Variants in DNAH11 observed in about 807,000 individuals in gnomAD.
DNAH11 encodes axonemal beta dynein heavy chain 11.
DNAH11 carries 442 observed loss-of-function variants against 526.0 expected under a neutral mutation model. The observed-to-expected ratio is 0.84, with a 90% CI of 0.78 to 0.91. The LOEUF is 0.91. Among genes scored for constraint, DNAH11 ranks in the 40% least tolerant of loss-of-function variants. The probability of loss-of-function intolerance (pLI) is 0.00; values close to 1 mark genes in which losing one functional copy is unlikely to be tolerated. For missense variants in DNAH11, 6,989 were observed against 5,448.7 expected (o/e 1.28, Z -8.90); for synonymous variants, 2,461 against 1,935.9 (o/e 1.27, Z -7.12).
chr7:21,748,766 C>T (rs779364683), intron 52 of DNAH11, 24 bp downstream of exon 52: 1 of 1,595,074 alleles, frequency 6.3e-7, no homozygotes, highest in East Asian at 2.3e-5. Flanking sequence ...ACAGGCAGTT[C>T]TTCTGACCCT....
intron 68 of DNAH11, among the ~76,000 whole-genome samples, chr7:21,860,921 C>A (rs1335390069): frequency 1.3e-5 from 2 of 152,108 alleles, no homozygotes; most frequent in Non-Finnish European, 2.9e-5. Flanking sequence ...CCTCATAAAA[C>A]CATCAGATCT....
At chr7:21,868,210 C>T (rs1191665197) in intron 72 of DNAH11, among the ~76,000 whole-genome samples, 1 of 151,520 alleles carries the variant, frequency 6.6e-6, no homozygotes, top group Non-Finnish European at 1.5e-5. Flanking sequence ...ATGTGGCTGG[C>T]ATAATGCAAG....
Position 21,615,207 on chromosome 7 carries a change from ATGAAACAG to A in DNAH11, c.3949_3956del (p.Lys1317SerfsTer22). The A allele has an allele frequency of 1.2e-6, 2 of 1,613,542 alleles. No homozygotes were observed. Among genetic ancestry groups the A allele is most frequent in the Non-Finnish European group, 1.7e-6 (2 of 1,179,624 alleles). On this transcript the variant is annotated frameshift_variant, in exon 21 of 82. Transcript: ENST00000409508. LOFTEE classifies it high-confidence loss of function. ...AGTGGCTCTTCCAGAGTACAAACAA[ATGAAACAG>A]TGTCGCAAAGAAATAAAATTGCTCA...
At chr7:21,754,762 G>C (rs1202042283) in intron 54 of DNAH11, among the ~76,000 whole-genome samples, 3 of 152,150 alleles carry the variant, frequency 2.0e-5, no homozygotes, top group Non-Finnish European at 4.4e-5. Flanking sequence ...GATCCACCCT[G>C]TGGAAGGCTA....
At chr7:21,863,058 C>T (rs978579454) in intron 69 of DNAH11, among the ~76,000 whole-genome samples, 32 of 101,414 alleles carry the variant, frequency 3.2e-4, no homozygotes, top group African/African-American at 3.4e-4. Flanking sequence ...AGCGAGACTC[C>T]GTCTCAAAAA....
At chr7:21,651,663 T>A (rs1781777160) in intron 28 of DNAH11, among the ~76,000 whole-genome samples, 1 of 152,238 alleles carries the variant, frequency 6.6e-6, no homozygotes, top group African/African-American at 2.4e-5. Context: ...TTCTTTTATT[T>A]CATAAGAGGT....
At chr7:21,559,330 C>A (rs1783350500) in intron 3 of DNAH11, among the ~76,000 whole-genome samples, 1 of 152,092 alleles carries the variant, frequency 6.6e-6, no homozygotes, top group Non-Finnish European at 1.5e-5. Flanking sequence ...ATACAAAAAG[C>A]AAACTGTAGT....
intron 56 of DNAH11, 83 bp from the exon 57 acceptor site, chr7:21,778,875 T>G (rs1169729790): frequency 1.2e-5 from 18 of 1,508,460 alleles, no homozygotes; most frequent in Non-Finnish European, 1.2e-5. Context: ...TAGAGATCCC[T>G]GAATTCATTC....
In DNAH11 at chr7:21,773,754, T is replaced by G; in HGVS notation, c.9103-12T>G. On this transcript the variant is annotated splice_polypyrimidine_tract_variant and intron_variant, in intron 55 of 81. Coordinates refer to ENST00000409508, the MANE Select transcript of DNAH11 (RefSeq NM_001277115.2). ...GAGGATTTCACATGAACTGTAATGT[T>G]TGTGTTTTCAGCCAGTGCACAAAGA... 6 of 1,495,706 alleles carry G rather than the reference T, an allele frequency of 4.0e-6. No homozygotes were observed. Among genetic ancestry groups the G allele is most frequent in the Non-Finnish European group, 5.4e-6 (6 of 1,113,748 alleles). 92.7% of individuals were successfully genotyped at this position (1,495,706 alleles called of 1,614,324 possible).
At position 21,592,216 on chromosome 7, in the gene DNAH11, A is replaced by G. The variant is rs571581517; in HGVS notation, c.2667+639A>G. On this transcript the variant is annotated intron_variant, in intron 14 of 81. Transcript: ENST00000409508. Reference sequence around the variant, plus strand: ...AGAGAAAAGAACAAATAGATATGTCAGTTGTAATAGGAGCAATGATGAAAA... The same window carrying G: ...AGAGAAAAGAACAAATAGATATGTCGGTTGTAATAGGAGCAATGATGAAAA... Among the ~76,000 whole-genome samples, 8 of 152,326 alleles carry G rather than the reference A, an allele frequency of 5.3e-5. No homozygotes were observed. In the South Asian group the frequency reaches 1.7e-3, roughly 32 times the overall value.
At chr7:21,832,018 A>C (rs1279704520) in intron 65 of DNAH11, among the ~76,000 whole-genome samples, 1 of 151,874 alleles carries the variant, frequency 6.6e-6, no homozygotes, top group Admixed American at 6.6e-5. Flanking sequence ...TGAACCCGGG[A>C]GGCAGAGCTT....
intron 10 of DNAH11, 53 bp from the exon 11 acceptor site, chr7:21,588,459 C>T: frequency 6.2e-7 from 1 of 1,602,860 alleles, no homozygotes; most frequent in Non-Finnish European, 8.5e-7. Flanking sequence ...GGTTGGAAAC[C>T]ATTCTGACTA....
intron 75 of DNAH11, among the ~76,000 whole-genome samples, chr7:21,881,348 A>G (rs926980194): frequency 6.6e-6 from 1 of 152,192 alleles, no homozygotes; most frequent in African/African-American, 2.4e-5. Context: ...CATTTCCTGC[A>G]TATGTCATTA....
chr7:21,866,560 C>G lies in DNAH11; in HGVS notation c.11587C>G (p.Pro3863Ala). Reference sequence around the variant, plus strand: ...GAGGAAGTGGGTAGAATCCGAGTGTCCAGAAAAAGAAAAATTACCTCAAGA... The same window carrying G: ...GAGGAAGTGGGTAGAATCCGAGTGTGCAGAAAAAGAAAAATTACCTCAAGA... ...QWRKWVESEC[P>A]EKEKLPQEWK... Residue 3863 changes from proline (P) to alanine (A), a missense_variant, in exon 71 of 82, where the codon CCA (proline) becomes GCA (alanine). By Grantham distance (27) the Pro-to-Ala change is conservative (BLOSUM62 -1). Transcript: ENST00000409508. The G allele has an allele frequency of 1.9e-6, 3 of 1,613,632 alleles. No individual in the cohort carries two copies. Among genetic ancestry groups the G allele is most frequent in the Non-Finnish European group, 2.5e-6 (3 of 1,179,798 alleles).
At chr7:21,553,010 A>C (rs554866846) in intron 2 of DNAH11, among the ~76,000 whole-genome samples, 3 of 140,704 alleles carry the variant, frequency 2.1e-5, no homozygotes, top group African/African-American at 8.2e-5. Flanking sequence ...TTAATAGTCC[A>C]TTTTTCATTA....
chr7:21,696,986 A>G (rs1583603135), intron 35 of DNAH11, among the ~76,000 whole-genome samples: 1 of 152,204 alleles, frequency 6.6e-6, no homozygotes, highest in African/African-American at 2.4e-5. Context: ...TCATGTGAAG[A>G]GTAATAACTG....
Position 21,559,675 on chromosome 7 carries a change from A to G in DNAH11, c.765A>G (p.Gln255=), listed in dbSNP as rs1370959936. The G allele has an allele frequency of 6.2e-7, 1 of 1,611,794 alleles. No individual in the cohort carries two copies. The highest frequency in any genetic ancestry group is 8.5e-7 in the Non-Finnish European group (1 of 1,178,958). Residue 255 remains glutamine (Q), a synonymous_variant, in exon 4 of 82, where the codon CAA becomes CAG. Coordinates refer to ENST00000409508, the MANE Select transcript of DNAH11 (RefSeq NM_001277115.2). ...SVVIEWSHQI[Q]EIIERDSVQR... ...TTATTGAATGGTCACATCAAATCCA[A>G]GAAATTATAGAAAGAGATTCAGTGC...
chr7:21,881,278 C>T (rs572121728), intron 75 of DNAH11, among the ~76,000 whole-genome samples: 47 of 152,284 alleles, frequency 3.1e-4, no homozygotes, highest in African/African-American at 1.1e-3. Context: ...TTAATAATCA[C>T]TACAATTAGT....
intron 76 of DNAH11, among the ~76,000 whole-genome samples, chr7:21,890,927 A>G (rs1431470731): frequency 1.3e-5 from 2 of 152,214 alleles, no homozygotes; most frequent in African/African-American, 2.4e-5. Context: ...AAATAAAAAT[A>G]AAAATAAAAA....
Sources: allele counts gnomAD v4.1 joint callset (sites outside exome capture counted in the v4.1 genomes callset), GRCh38; gene constraint gnomAD v4.1.1; transcripts MANE v1.5; gene names NCBI Gene and HGNC (gene_info 2026-07-23, HGNC 2026-07-21).